Variants in SYNE1 observed in about 807,000 individuals in gnomAD.
SYNE1 encodes spectrin repeat containing nuclear envelope protein 1.
Under a neutral mutation model 1,111.0 loss-of-function variants are expected in SYNE1, and 616 were observed. The ratio of observed to expected loss-of-function variants is 0.55; its 90% confidence interval spans 0.52 to 0.59. The LOEUF (loss-of-function observed/expected upper bound fraction) is 0.59, where lower values mean the gene tolerates loss of function less well. SYNE1 is among the 20% of genes least tolerant of loss of function. The pLI is 0.00. For synonymous variants in SYNE1, 3,855 were observed against 3,825.8 expected, an observed-to-expected ratio of 1.01 and a Z score of -0.28; for missense variants, 10,006 against 10,417.0, an observed-to-expected ratio of 0.96 and a Z score of 1.72.
intron 11 of SYNE1, among the ~76,000 whole-genome samples, chr6:152,489,451 G>T (rs796750461): frequency 1.5e-5 from 2 of 133,048 alleles, no homozygotes; most frequent in African/African-American, 6.0e-5. Flanking sequence ...TGTGAGCTTG[G>T]TGTGTCTTTT....
chr6:152,629,519 T>G (rs2099693448), intron 2 of SYNE1, among the ~76,000 whole-genome samples: 1 of 2,004 alleles, frequency 5.0e-4, no homozygotes, highest in Admixed American at 6.7e-3. Flanking sequence ...TAAGTTTCAT[T>G]GCCGGGGGGG....
intron 3 of SYNE1, among the ~76,000 whole-genome samples, chr6:152,604,070 T>C (rs2099604543): frequency 6.6e-6 from 1 of 151,346 alleles, no homozygotes; most frequent in South Asian, 2.1e-4. Flanking sequence ...TTCATATATG[T>C]ATATATGTTC....
chr6:152,327,397 C>A (rs1261169281), intron 78 of SYNE1, among the ~76,000 whole-genome samples: 5 of 151,914 alleles, frequency 3.3e-5, no homozygotes, highest in African/African-American at 1.2e-4. Flanking sequence ...TTTCTGGAAG[C>A]GAAATAGTAA....
intron 8 of SYNE1, among the ~76,000 whole-genome samples, chr6:152,506,628 A>AC (rs1486262172): frequency 6.6e-6 from 1 of 151,410 alleles, no homozygotes; most frequent in Non-Finnish European, 1.5e-5. Context: ...TGCAACCTCC[A>AC]CCCCCCAGGC....
chr6:152,284,133 T>G lies in SYNE1; in HGVS notation c.18052A>C (p.Asn6018His). The G allele has an allele frequency of 6.2e-7, 1 of 1,614,218 alleles. No individual in the cohort carries two copies. Among genetic ancestry groups the G allele is most frequent in the Admixed American group, 1.7e-5 (1 of 60,032 alleles). ...TCTGCGAGAGAGGACTGGAGCTCATTGATTTCATCCTGGAGCATGAGAATC... is the reference window on the plus strand; with the variant it reads ...TCTGCGAGAGAGGACTGGAGCTCATGGATTTCATCCTGGAGCATGAGAATC... The part of the protein sequence containing the change: ...DEILMLQDEI[N>H]ELQSSLAEEL... The change falls in exon 96 of 146, where the codon AAT becomes CAT. Residue 6018 changes from asparagine (N) to histidine (H), a missense_variant. Around this residue, in one of 7 missense-constraint regions of SYNE1, gnomAD observed 4,955 missense variants for 5,017.2 expected, o/e 0.99. Coordinates refer to ENST00000367255, the MANE Select transcript of SYNE1 (RefSeq NM_182961.4).
In SYNE1 at chr6:152,121,713, A is replaced by C. The variant is rs764228172; in HGVS notation, c.*723T>G. On this transcript the variant is annotated 3_prime_UTR_variant, in exon 146 of 146. Coordinates refer to ENST00000367255, the MANE Select transcript of SYNE1 (RefSeq NM_182961.4). ...ATTTTATAATATCTATAATAAATGC[A>C]AAGAAATCAATACAAACAAAACTTG... The C allele has an allele frequency of 1.3e-5, 2 of 152,682 alleles. No homozygotes were observed. The allele number at this position is 152,682 out of a possible 1,614,324, so 9.5% of individuals were successfully genotyped here. A position where few individuals can be genotyped will look rare whatever the true frequency, so the allele number is the denominator to read the frequency against.
rs1360574215 is a variant in SYNE1 at position 152,148,126 on chromosome 6, T to A, written c.24895A>T (p.Met8299Leu). Residue 8299 changes from methionine to leucine, a missense_variant, in exon 137 of 146, where the codon ATG becomes TTG. By Grantham distance (15) the Met-to-Leu change is conservative. This residue lies in a region of SYNE1 where 761 missense variants were observed against 795.5 expected (regional missense o/e 0.96). Transcript: ENST00000367255. The surrounding 1 kb of genome is among the most constrained non-coding windows in gnomAD (Gnocchi z 4.1). ...YDLSRDLESA[M>L]SRALPSEDEE... is the part of the protein sequence containing the mutation. The stretch of plus-strand genomic sequence containing the variant: ...TCCTCAGAGGGCAGAGCTCTGGACA[T>A]TGCAGACTCCAGGTCCCGACTGAGG... The A allele has an allele frequency of 6.2e-7, 1 of 1,614,174 alleles. No homozygotes were observed. The highest frequency in any genetic ancestry group is 8.5e-7 in the Non-Finnish European group (1 of 1,180,030).
chr6:152,409,798 T>A, intron 42 of SYNE1, 89 bp from the exon 43 acceptor site: 1 of 1,369,812 alleles, frequency 7.3e-7, no homozygotes, highest in Non-Finnish European at 1.0e-6. Context: ...TTTCACTACG[T>A]AAAGGTATTA....
intron 128 of SYNE1, among the ~76,000 whole-genome samples, chr6:152,181,563 A>G (rs1259351232): frequency 2.0e-5 from 3 of 152,178 alleles, no homozygotes; most frequent in Admixed American, 2.0e-4. Flanking sequence ...GAATCATACA[A>G]TATGTAGTCT....
At chr6:152,247,750 T>TATACAC (rs1432898834) in intron 105 of SYNE1, among the ~76,000 whole-genome samples, 5,554 of 112,140 alleles carry the variant, frequency 0.05, 202 homozygotes, top group East Asian at 0.11. Flanking sequence ...TATATATATA[T>TATACAC]ACACACACAC....
chr6:152,134,728 C>G, intron 142 of SYNE1: 1 of 237,358 alleles, frequency 4.2e-6, no homozygotes, highest in Non-Finnish European at 8.3e-6. Context: ...TTGTCTCATT[C>G]TATTCTAATA....
chr6:152,288,599 T>C, intron 95 of SYNE1, among the ~76,000 whole-genome samples: 1 of 152,206 alleles, frequency 6.6e-6, no homozygotes, highest in Non-Finnish European at 1.5e-5. Context: ...CAGGCTGGAG[T>C]GCAGTGGCAC....
At chr6:152,545,355 G>A (rs2099305155) in intron 3 of SYNE1, among the ~76,000 whole-genome samples, 1 of 152,118 alleles carries the variant, frequency 6.6e-6, no homozygotes, top group Non-Finnish European at 1.5e-5. Context: ...CCAGGCAGGA[G>A]GATCACTTGA....
Position 152,219,076 on chromosome 6 carries a change from G to A in SYNE1, c.21971C>T (p.Ser7324Leu), listed in dbSNP as rs749002706. ...GTGTTGACTCAAAGAGAGTTGATCCGATTGAATAGCTGATGCTGCGGAAGC... is the reference window on the plus strand; with the variant it reads ...GTGTTGACTCAAAGAGAGTTGATCCAATTGAATAGCTGATGCTGCGGAAGC... ...VDASAASAIQ[S>L]DQLSLSQHLC... Residue 7324 changes from serine (S) to leucine (L), a missense_variant, in exon 120 of 146, where the codon TCG (serine) becomes TTG (leucine). Ser to Leu is a moderately radical substitution (Grantham distance 145). Transcript: ENST00000367255. 5.6e-6 allele frequency: 9 copies of A among 1,614,014 alleles called. No homozygotes were observed. The highest frequency in any genetic ancestry group is 1.1e-5 in the South Asian group (1 of 91,092).
intron 10 of SYNE1, among the ~76,000 whole-genome samples, chr6:152,499,653 T>C (rs2099018204): frequency 6.6e-6 from 1 of 152,152 alleles, no homozygotes; most frequent in Admixed American, 6.5e-5. Context: ...TACCATTAAC[T>C]GTTAAATATA....
At chr6:152,438,285 T>C (rs1180308333) in intron 32 of SYNE1, among the ~76,000 whole-genome samples, 1 of 152,150 alleles carries the variant, frequency 6.6e-6, no homozygotes, top group African/African-American at 2.4e-5. Context: ...AAATAAAGTG[T>C]TTTATTTTTT....
intron 126 of SYNE1, 44 bp downstream of exon 126, chr6:152,206,124 G>A (rs749174618): frequency 8.2e-6 from 13 of 1,581,388 alleles, no homozygotes; most frequent in African/African-American, 5.4e-5. Flanking sequence ...GTAGTACAAC[G>A]ACTAAAAGGG....
chr6:152,170,369 C>A (rs557544317), intron 130 of SYNE1, among the ~76,000 whole-genome samples: 1 of 152,322 alleles, frequency 6.6e-6, no homozygotes, highest in South Asian at 2.1e-4. Context: ...AGTCCTTTCC[C>A]TTGCATTTTC....
At position 152,231,529 on chromosome 6, in the gene SYNE1, C is replaced by T. The variant is rs756216039; in HGVS notation, c.20901G>A (p.Val6967=). The T allele has an allele frequency of 6.2e-7, 1 of 1,614,062 alleles. No homozygotes were observed. Among genetic ancestry groups the T allele is most frequent in the Non-Finnish European group, 8.5e-7 (1 of 1,180,000 alleles). ...KIDINCKQLT[V]DFVNQSVLQI... ...GTAGCACGGACTGGTTCACAAAATCCACTGTCAGCTGTTTACAGTTAATGT... is the reference window on the plus strand; with the variant it reads ...GTAGCACGGACTGGTTCACAAAATCTACTGTCAGCTGTTTACAGTTAATGT... Residue 6967 remains valine (V), a synonymous_variant, in exon 114 of 146, where the codon GTG becomes GTA. Transcript: ENST00000367255.
Sources: allele counts gnomAD v4.1 joint callset (sites outside exome capture counted in the v4.1 genomes callset), GRCh38; gene constraint gnomAD v4.1.1; regional missense constraint gnomAD v4.1.1; non-coding constraint Gnocchi (gnomAD v3.1); transcripts MANE v1.5; gene names NCBI Gene and HGNC (gene_info 2026-07-23, HGNC 2026-07-21).